EPM2A: variants seen among roughly 807,000 people sequenced by gnomAD.
The protein encoded by EPM2A is laforin.
A neutral mutation model predicts 26.5 loss-of-function variants in EPM2A; 21 were observed. The observed-to-expected ratio is 0.79, with a 90% CI of 0.56 to 1.14. The LOEUF (loss-of-function observed/expected upper bound fraction) is 1.14, where lower values mean the gene tolerates loss of function less well. Among genes scored for constraint, EPM2A ranks in the 50% most tolerant of loss-of-function variants. The pLI, the probability that EPM2A is intolerant of heterozygous loss-of-function variation, is 0.00. For missense variants in EPM2A, 458 were observed against 440.8 expected (o/e 1.04, Z -0.35); for synonymous variants, 217 against 177.6 (o/e 1.22, Z -1.76).
chr6:145,691,588 T>C (rs1234290147), intron 1 of EPM2A, among the ~76,000 whole-genome samples: 2 of 152,092 alleles, frequency 1.3e-5, no homozygotes, highest in African/African-American at 4.8e-5. Flanking sequence ...TCTGATGCTA[T>C]TCTACATGTA....
At chr6:145,465,403 C>T (rs1324363298) in intron 4 of EPM2A, among the ~76,000 whole-genome samples, 1 of 151,866 alleles carries the variant, frequency 6.6e-6, no homozygotes, top group African/African-American at 2.4e-5. Context: ...AACTTCTTTG[C>T]CTTTGGTTTG....
At chr6:145,682,566 C>T (rs1254696986) in intron 2 of EPM2A, 1 of 152,114 alleles carries the variant, frequency 6.6e-6, no homozygotes, top group Non-Finnish European at 1.5e-5. Context: ...AACTGTATTG[C>T]AGCTGTTTAC....
rs184581914 is a variant in EPM2A, at chr6:145,677,212, T to G, written c.476+8910A>C. On this transcript the variant is annotated intron_variant, in intron 2 of 3. Coordinates refer to ENST00000367519, the MANE Select transcript of EPM2A (RefSeq NM_005670.4). ...TGATTATCTCAATAGAAGCAGAAAA[T>G]GCCTTCAACAAATTCAACAGCCCTT... 2.9e-4 allele frequency among the ~76,000 whole-genome samples: 44 copies of G among 151,952 alleles called. 1 individual carries two copies. The highest frequency in any genetic ancestry group is 9.2e-4 in the African/African-American group (38 of 41,456).
intron 4 of EPM2A, among the ~76,000 whole-genome samples, chr6:145,415,826 C>A (rs565804852): frequency 2.0e-5 from 3 of 152,166 alleles, no homozygotes; most frequent in Admixed American, 6.6e-5. Flanking sequence ...CTGCATCCCC[C>A]GAGTTCTGTT....
At chr6:145,491,116 T>C in intron 4 of EPM2A, 1 of 597,758 alleles carries the variant, frequency 1.7e-6, no homozygotes, top group South Asian at 1.4e-5. Context: ...GGCCACCTTT[T>C]TTCTTGTGGT....
intron 2 of EPM2A, among the ~76,000 whole-genome samples, chr6:145,527,025 C>T (rs1020171022): frequency 6.6e-6 from 1 of 151,876 alleles, no homozygotes; most frequent in Non-Finnish European, 1.5e-5. Flanking sequence ...TGATTTCTGC[C>T]TTAAATTCAT....
At chr6:145,601,520 T>C (rs562865281) in intron 2 of EPM2A, among the ~76,000 whole-genome samples, 1 of 152,342 alleles carries the variant, frequency 6.6e-6, no homozygotes, top group African/African-American at 2.4e-5. Flanking sequence ...ACCAGATATC[T>C]AAATAGGAAT....
intron 2 of EPM2A, among the ~76,000 whole-genome samples, chr6:145,578,283 G>A (rs1368462258): frequency 6.6e-6 from 1 of 151,910 alleles, no homozygotes; most frequent in Non-Finnish European, 1.5e-5. Context: ...AACAAAATTA[G>A]CAAACCTTAT....
At chr6:145,483,698 G>T (rs534005747) in intron 4 of EPM2A, among the ~76,000 whole-genome samples, 1 of 152,218 alleles carries the variant, frequency 6.6e-6, no homozygotes, top group African/African-American at 2.4e-5. Context: ...GTTAAACAAG[G>T]ATGCCCAAGC....
At position 145,735,193 on chromosome 6, in the gene EPM2A, A is replaced by G. The variant is rs776655093; in HGVS notation, c.301+5T>C. On this transcript the variant is annotated splice_donor_5th_base_variant and intron_variant, in intron 1 of 3. Transcript: ENST00000367519. ...GCGCCGGGGGCAGGCGTCTGCTGGC[A>G]ATACCTTCCCAGGAGAGCTCTCCTC... is the stretch of plus-strand genomic sequence containing the variant. 4.7e-5 allele frequency: 71 copies of G among 1,504,464 alleles called. No homozygotes were observed. The highest frequency in any genetic ancestry group is 6.1e-5 in the Non-Finnish European group (69 of 1,122,158). The allele number at this position is 1,504,464 out of a possible 1,614,324, so 93.2% of individuals were successfully genotyped here. A position where few individuals can be genotyped will look rare whatever the true frequency, so the allele number is the denominator to read the frequency against.
intron 4 of EPM2A, among the ~76,000 whole-genome samples, chr6:145,466,273 A>G (rs936177414): frequency 2.0e-5 from 3 of 151,784 alleles, no homozygotes; most frequent in African/African-American, 7.2e-5. Flanking sequence ...CAGAATCTAC[A>G]ATGAACTCAA....
chr6:145,471,198 T>C (rs1343750369), intron 4 of EPM2A, among the ~76,000 whole-genome samples: 1 of 152,202 alleles, frequency 6.6e-6, no homozygotes, highest in Non-Finnish European at 1.5e-5. Flanking sequence ...AATGTTTGAA[T>C]CTATTGATTG....
chr6:145,602,652 CCAGAGTGCCTCAAAACTACACAAA>C (rs1781430775), intron 2 of EPM2A, among the ~76,000 whole-genome samples: 1 of 152,126 alleles, frequency 6.6e-6, no homozygotes. Context: ...TTAATTCCTC[CCAGAGTGCCTCAAAACTACACAAA>C]CATATCCCAT....
intron 2 of EPM2A, among the ~76,000 whole-genome samples, chr6:145,571,275 T>A (rs1780951952): frequency 6.6e-6 from 1 of 152,324 alleles, no homozygotes; most frequent in Admixed American, 6.5e-5. Flanking sequence ...ACGTAGTTGA[T>A]GTTTTAATTA....
At chr6:145,582,365 C>T (rs528225879) in intron 2 of EPM2A, among the ~76,000 whole-genome samples, 7 of 151,856 alleles carry the variant, frequency 4.6e-5, no homozygotes, top group Non-Finnish European at 1.0e-4. Context: ...AATTATGTGG[C>T]CAATTTTAGA....
chr6:145,578,870 G>A (rs944956939), intron 2 of EPM2A, among the ~76,000 whole-genome samples: 4 of 152,026 alleles, frequency 2.6e-5, no homozygotes, highest in African/African-American at 9.7e-5. Flanking sequence ...GGAGAAGAAG[G>A]GCGTCTCAGC....
intron 4 of EPM2A, among the ~76,000 whole-genome samples, chr6:145,426,789 A>G (rs1386049987): frequency 6.6e-6 from 1 of 152,180 alleles, no homozygotes; most frequent in Non-Finnish European, 1.5e-5. Context: ...TTTAAGGTAC[A>G]CTTGTATTTC....
chr6:145,665,912 A>G (rs1779145384), intron 2 of EPM2A, among the ~76,000 whole-genome samples: 1 of 151,358 alleles, frequency 6.6e-6, no homozygotes, highest in East Asian at 2.1e-4. Context: ...AAAGACAAAA[A>G]CCACATTATT....
At chr6:145,551,250 C>T (rs189425563) in intron 2 of EPM2A, among the ~76,000 whole-genome samples, 99 of 148,568 alleles carry the variant, frequency 6.7e-4, no homozygotes, top group South Asian at 2.3e-3. Flanking sequence ...AAGTTAAAAA[C>T]AACAACAACA....
Sources: allele counts gnomAD v4.1 joint callset (sites outside exome capture counted in the v4.1 genomes callset), GRCh38; gene constraint gnomAD v4.1.1; transcripts MANE v1.5; gene names NCBI Gene and HGNC (gene_info 2026-07-23, HGNC 2026-07-21).